The following FAT3 variants were observed in gnomAD, a reference collection of about 807,000 sequenced individuals.
FAT3 encodes the protein FAT atypical cadherin 3.
In FAT3, 95 loss-of-function variants were observed where a neutral mutation model predicts 310.2. That is an observed-to-expected ratio of 0.31 (90% CI 0.26 to 0.36). The LOEUF (loss-of-function observed/expected upper bound fraction) is 0.36. Ranked by LOEUF, FAT3 falls within the 10% of genes least tolerant of loss-of-function variation. FAT3 has a pLI of 1.00. For synonymous variants in FAT3, 2,314 were observed against 2,192.9 expected, an observed-to-expected ratio of 1.06 and a Z score of -1.54; for missense variants, 5,408 against 5,715.6, an observed-to-expected ratio of 0.95 and a Z score of 1.74.
chr11:92,297,366 C>T (rs1259017755), intron 1 of FAT3, among the ~76,000 whole-genome samples: 3 of 152,108 alleles, frequency 2.0e-5, no homozygotes, highest in Admixed American at 2.0e-4. Context: ...TAGTATCTAA[C>T]ACTGAGCCTT....
chr11:92,776,130 A>C (rs1283628733), intron 7 of FAT3, among the ~76,000 whole-genome samples: 4 of 152,210 alleles, frequency 2.6e-5, no homozygotes, highest in African/African-American at 9.6e-5. Context: ...AGTAAAATAC[A>C]AATAAAGCAT....
chr11:92,435,562 C>G (rs1337071430), intron 2 of FAT3, among the ~76,000 whole-genome samples: 2 of 123,444 alleles, frequency 1.6e-5, no homozygotes, highest in Admixed American at 1.8e-4. Flanking sequence ...TTTCTTTATT[C>G]TTTCTCTTTT....
chr11:92,580,225 T>G (rs975516151), intron 3 of FAT3, among the ~76,000 whole-genome samples: 1 of 152,076 alleles, frequency 6.6e-6, no homozygotes, highest in Non-Finnish European at 1.5e-5. Context: ...ACCCCAGTTT[T>G]GCTTCTCTAG....
At chr11:92,779,407 G>C (rs914546610) in intron 7 of FAT3, among the ~76,000 whole-genome samples, 2 of 151,986 alleles carry the variant, frequency 1.3e-5, no homozygotes, top group Non-Finnish European at 2.9e-5. Flanking sequence ...AAGCCTACTG[G>C]AATCATGGTA....
intron 3 of FAT3, among the ~76,000 whole-genome samples, chr11:92,620,298 T>A (rs761751101): frequency 1.3e-5 from 2 of 152,228 alleles, no homozygotes; most frequent in Non-Finnish European, 2.9e-5. Context: ...GAATGTTCCA[T>A]GTGCACTTGA....
chr11:92,485,683 C>T (rs1368194489), intron 2 of FAT3, among the ~76,000 whole-genome samples: 1 of 152,264 alleles, frequency 6.6e-6, no homozygotes, highest in South Asian at 2.1e-4. Flanking sequence ...GTTACAAATT[C>T]ATATACACTA....
At chr11:92,636,869 A>G (rs980855357) in intron 3 of FAT3, among the ~76,000 whole-genome samples, 2 of 152,194 alleles carry the variant, frequency 1.3e-5, no homozygotes, top group East Asian at 3.9e-4. Context: ...GACACATCCA[A>G]AGCAAAATTA....
intron 3 of FAT3, among the ~76,000 whole-genome samples, chr11:92,659,491 C>G (rs1349592173): frequency 6.6e-6 from 1 of 152,186 alleles, no homozygotes; most frequent in African/African-American, 2.4e-5. Context: ...TCTACTTCCA[C>G]TTTTTCCTTC....
rs913489967 is a variant in FAT3 at position 92,892,953 on chromosome 11, T to C, written c.*1840T>C. 1.3e-5 allele frequency: 2 copies of C among 152,182 alleles called. No homozygotes were observed. The highest frequency in any genetic ancestry group is 2.9e-5 in the Non-Finnish European group (2 of 68,036). 9.4% of individuals were successfully genotyped at this position (152,182 alleles called of 1,614,324 possible). On this transcript the variant is annotated 3_prime_UTR_variant, in exon 28 of 28. Coordinates refer to ENST00000525166, the MANE Select transcript of FAT3 (RefSeq NM_001367949.2). ...GCTTCAATCAGATTACGGCCGCCTG[T>C]GCAGTGGCCATGGTAAATATATGCA...
intron 1 of FAT3, among the ~76,000 whole-genome samples, chr11:92,234,321 T>C (rs1323184854): frequency 6.6e-6 from 1 of 152,176 alleles, no homozygotes; most frequent in African/African-American, 2.4e-5. Context: ...TTCAAATATA[T>C]AATAAAATGA....
rs374805851 is a variant in FAT3 at position 92,546,803 on chromosome 11, T to C, written c.3607+21855T>C. On this transcript the variant is annotated intron_variant, in intron 3 of 27. Transcript: ENST00000525166. ...TAACTAACTGCTTGTTGGCCTGCCC[T>C]GAACAGTGGAAAGATGAATAGTTAA... 6.1e-4 allele frequency among the ~76,000 whole-genome samples: 93 copies of C among 152,292 alleles called. No homozygotes were observed. In the South Asian group the frequency reaches 0.019, roughly 31 times the overall value.
chr11:92,284,998 T>C (rs1446650498), intron 1 of FAT3, among the ~76,000 whole-genome samples: 1 of 152,166 alleles, frequency 6.6e-6, no homozygotes, highest in East Asian at 1.9e-4. Context: ...AATTTTCTAT[T>C]AGGAAAATGA....
chr11:92,793,090 A>C, intron 9 of FAT3, 113 bp downstream of exon 9: 1 of 1,149,650 alleles, frequency 8.7e-7, no homozygotes, highest in Non-Finnish European at 1.2e-6. Flanking sequence ...CTCTAAATGA[A>C]CTTTTTTGGC....
intron 2 of FAT3, chr11:92,400,795 C>T (rs1377260380): frequency 6.6e-6 from 1 of 151,776 alleles, no homozygotes; most frequent in Non-Finnish European, 1.5e-5. Context: ...TGAGAGGAAG[C>T]ACAGATCAAT....
Position 92,598,232 on chromosome 11 carries a change from T to TA in FAT3, c.3607+73284_3607+73285insA, listed in dbSNP as rs1167646257. Among the ~76,000 whole-genome samples, 21 of 60,076 alleles carry TA rather than the reference T, an allele frequency of 3.5e-4. 1 individual carries two copies. In the South Asian group the frequency reaches 3.8e-3, roughly 11 times the overall value. The allele number at this position is 60,076 out of a possible 152,430, so 39.4% of individuals were successfully genotyped here. On this transcript the variant is annotated intron_variant, in intron 3 of 27. Coordinates refer to ENST00000525166, the MANE Select transcript of FAT3 (RefSeq NM_001367949.2). ...TATGTATACATATATATATATATAT[T>TA]TTTTTTTTTTTTGAGACAAAGTCTC...
chr11:92,280,848 C>T (rs1946400668), intron 1 of FAT3, among the ~76,000 whole-genome samples: 1 of 152,140 alleles, frequency 6.6e-6, no homozygotes, highest in Non-Finnish European at 1.5e-5. Context: ...TTCGTACATA[C>T]AATTTCTTGT....
At chr11:92,494,998 C>T (rs766070699) in intron 2 of FAT3, among the ~76,000 whole-genome samples, 2 of 152,082 alleles carry the variant, frequency 1.3e-5, no homozygotes, top group African/African-American at 2.4e-5. Flanking sequence ...CTTTAAAATG[C>T]TCAGGTTAGC....
At chr11:92,545,015 C>T (rs1954571596) in intron 3 of FAT3, among the ~76,000 whole-genome samples, 1 of 152,144 alleles carries the variant, frequency 6.6e-6, no homozygotes, top group Non-Finnish European at 1.5e-5. Context: ...GTCTTATCTG[C>T]TGCCTTCCTT....
At chr11:92,451,628 G>C (rs1951353485) in intron 2 of FAT3, among the ~76,000 whole-genome samples, 1 of 152,128 alleles carries the variant, frequency 6.6e-6, no homozygotes, top group African/African-American at 2.4e-5. Context: ...CTTTTCATGT[G>C]ACTGTAGATA....
Sources: gnomAD v4.1 joint callset for allele counts (sites outside exome capture counted in the v4.1 genomes callset) on GRCh38, gnomAD v4.1.1 for gene constraint, MANE v1.5 for transcripts, NCBI Gene and HGNC (gene_info 2026-07-23, HGNC 2026-07-21) for gene names.